Variants in DEGS2 observed in about 807,000 individuals in gnomAD.
DEGS2 encodes sphingolipid delta(4)-desaturase/C4-monooxygenase DES2.
A neutral mutation model predicts 23.8 loss-of-function variants in DEGS2; 19 were observed. The observed-to-expected ratio is 0.80, with a 90% confidence interval of 0.56 to 1.17. DEGS2 has a LOEUF of 1.17. Among genes scored for constraint, DEGS2 ranks in the 50% most tolerant of loss-of-function variants. The pLI is 0.00. For synonymous variants in DEGS2, 218 were observed against 213.7 expected (o/e 1.02, Z -0.18); for missense variants, 390 against 459.5 (o/e 0.85, Z 1.38).
At chr14:100,152,239 G>A (rs1317415068) in intron 1 of DEGS2, among the ~76,000 whole-genome samples, 1 of 151,988 alleles carries the variant, frequency 6.6e-6, no homozygotes, top group Non-Finnish European at 1.5e-5. Context: ...GGCACCAGAG[G>A]ACGGCAGGAT....
At position 100,149,542 on chromosome 14, in the gene DEGS2, A is replaced by G; in HGVS notation, c.251T>C (p.Leu84Pro). ...YAFGGCVNHS[L>P]TLAIHDISHN... Reference sequence around the variant, plus strand: ...CGAGATGTCGTGGATGGCCAGCGTCAGCGAGTGGTTCACGCAGCCACCAAA... The same window carrying G: ...CGAGATGTCGTGGATGGCCAGCGTCGGCGAGTGGTTCACGCAGCCACCAAA... The change falls in exon 2 of 3, where the codon CTG becomes CCG. Residue 84 changes from leucine to proline, a missense_variant. Coordinates refer to ENST00000305631, the MANE Select transcript of DEGS2 (RefSeq NM_206918.3). The G allele has an allele frequency of 6.2e-7, 1 of 1,605,894 alleles. No homozygotes were observed. The highest frequency in any genetic ancestry group is 1.1e-5 in the South Asian group (1 of 90,462).
rs568514624 is a variant in DEGS2, at chr14:100,149,571, G to A, written c.222C>T (p.Tyr74=). 62 of 1,608,374 alleles carry A rather than the reference G, an allele frequency of 3.9e-5. No individual in the cohort carries two copies. Among genetic ancestry groups the A allele is most frequent in the Middle Eastern group, 1.6e-4 (1 of 6,082 alleles). The change falls in exon 2 of 3, where the codon TAC becomes TAT. Residue 74 remains tyrosine (Y), a synonymous_variant. Coordinates refer to ENST00000305631, the MANE Select transcript of DEGS2 (RefSeq NM_206918.3). ...LAWRWLLFWA[Y]AFGGCVNHSL... Reference sequence around the variant, plus strand: ...AGTGGTTCACGCAGCCACCAAAGGCGTAGGCCCAGAACAGCAGCCAGCGCC... The same window carrying A: ...AGTGGTTCACGCAGCCACCAAAGGCATAGGCCCAGAACAGCAGCCAGCGCC...
At chr14:100,153,366 A>G (rs898844239) in intron 1 of DEGS2, among the ~76,000 whole-genome samples, 10 of 152,050 alleles carry the variant, frequency 6.6e-5, no homozygotes, top group African/African-American at 2.4e-4. Flanking sequence ...GAACACTAAT[A>G]CAGGGCCTCT....
At chr14:100,147,934 A>G (rs1434656225) in intron 2 of DEGS2, among the ~76,000 whole-genome samples, 1 of 151,878 alleles carries the variant, frequency 6.6e-6, no homozygotes, top group Non-Finnish European at 1.5e-5. Context: ...TGCCTTATCT[A>G]TACAACAGGG....
the DEGS2 span, among the ~76,000 whole-genome samples, chr14:100,166,300 CGGGGCTGT>C: frequency 4.3e-3 from 64 of 14,818 alleles, 5 homozygotes; most frequent in Admixed American, 8.4e-3. Context: ...GGAGCCTGCC[CGGGGCTGT>C]GGGGGAGCCT....
intron 1 of DEGS2, 129 bp from the exon 2 acceptor site, chr14:100,149,839 C>T: frequency 1.0e-6 from 1 of 976,688 alleles, no homozygotes; most frequent in Non-Finnish European, 1.5e-6. Context: ...GTCCCTTTGC[C>T]CCTGCACACA....
chr14:100,158,348 T>C (rs935406927), intron 1 of DEGS2, among the ~76,000 whole-genome samples: 1 of 149,174 alleles, frequency 6.7e-6, no homozygotes, highest in South Asian at 2.1e-4. Context: ...TGGGGAGAGG[T>C]TGCAGTGAGC....
Position 100,146,459 on chromosome 14 carries a change from C to T in DEGS2, c.*302G>A, listed in dbSNP as rs1434325153. 2 of 373,642 alleles carry T rather than the reference C, an allele frequency of 5.4e-6. No homozygotes were observed. The highest frequency in any genetic ancestry group is 9.7e-6 in the Non-Finnish European group (2 of 205,948). 23.1% of individuals were successfully genotyped at this position (373,642 alleles called of 1,614,324 possible). A position where few individuals can be genotyped will look rare whatever the true frequency, so the allele number is the denominator to read the frequency against. On this transcript the variant is annotated 3_prime_UTR_variant, in exon 3 of 3. Coordinates refer to ENST00000305631, the MANE Select transcript of DEGS2 (RefSeq NM_206918.3). ...GGGTTTAATGTAGGGCACAGGCACC[C>T]CGGAGAAGTCAGCTCCGTGGGAACC...
chr14:100,149,100 G>C lies in DEGS2; in HGVS notation c.693C>G (p.Ala231=). 1 of 1,612,984 alleles carries C rather than the reference G, an allele frequency of 6.2e-7. No homozygotes were observed. Among genetic ancestry groups the C allele is most frequent in the African/African-American group, 1.3e-5 (1 of 75,076 alleles). ...GGCCCTTGAGGAACATGTAGTGCTCGGCCACGAAGTGGCCCGAGATGGGGT... is the reference window on the plus strand; with the variant it reads ...GGCCCTTGAGGAACATGTAGTGCTCCGCCACGAAGTGGCCCGAGATGGGGT... The part of the protein sequence containing the change: ...GLHPISGHFV[A]EHYMFLKGHE... The change falls in exon 2 of 3, where the codon GCC becomes GCG. Residue 231 remains alanine, a synonymous_variant. Transcript: ENST00000305631.
In DEGS2 at chr14:100,146,925, G is replaced by C. The variant is rs1351908858; in HGVS notation, c.826-18C>G. ...TTCCGCACCTGTAGAGAGGAGGGCGGGGCTCAGGGGCTGGTTCTCCTCGGG... is the reference window on the plus strand; with the variant it reads ...TTCCGCACCTGTAGAGAGGAGGGCGCGGCTCAGGGGCTGGTTCTCCTCGGG... On this transcript the variant is annotated intron_variant, in intron 2 of 2. Transcript: ENST00000305631. The C allele has an allele frequency of 6.2e-7, 1 of 1,606,002 alleles. No individual in the cohort carries two copies. Among genetic ancestry groups the C allele is most frequent in the African/African-American group, 1.3e-5 (1 of 74,902 alleles).
In DEGS2 at chr14:100,149,218, A is replaced by G; in HGVS notation, c.575T>C (p.Val192Ala). Reference protein sequence around the residue: ...VTRMEVLNTLVQLAADLAIFA... With the variant: ...VTRMEVLNTLAQLAADLAIFA... ...GATGGCCAGGTCGGCCGCCAGCTGC[A>G]CCAGCGTGTTGAGCACCTCCATGCG... The change falls in exon 2 of 3, where the codon GTG (valine) becomes GCG (alanine). Residue 192 changes from valine to alanine, a missense_variant. Transcript: ENST00000305631. 6.2e-7 allele frequency: 1 copy of G among 1,612,626 alleles called. No homozygotes were observed. The highest frequency in any genetic ancestry group is 8.5e-7 in the Non-Finnish European group (1 of 1,179,794).
chr14:100,154,311 G>A (rs929447118), intron 1 of DEGS2, among the ~76,000 whole-genome samples: 3 of 150,006 alleles, frequency 2.0e-5, no homozygotes, highest in Non-Finnish European at 4.4e-5. Context: ...GTTGCAGTGA[G>A]CCAAAATCAC....
In DEGS2 at chr14:100,157,240, G is replaced by C. The variant is rs546708152; in HGVS notation, c.82+2266C>G. The stretch of plus-strand genomic sequence containing the variant: ...AGTGAGGCCACAGCCCAGAGTGTCT[G>C]GATCCCTCCAGGTGGCCCTGAGGTA... On this transcript the variant is annotated intron_variant, in intron 1 of 2. Transcript: ENST00000305631. 2.6e-5 allele frequency among the ~76,000 whole-genome samples: 4 copies of C among 152,376 alleles called. No homozygotes were observed. In the East Asian group the frequency reaches 7.7e-4, roughly 29 times the overall value.
chr14:100,146,866 C>G lies in DEGS2; in HGVS notation c.867G>C (p.Gln289His). ...AGAGCACCTTCACCCAGGAGTGGTG[C>G]TGCGGCAGGTGGTCGTAGTACTCGG... ...IAPEYYDHLP[Q>H]HHSWVKVLWD... is the part of the protein sequence containing the mutation. The change falls in exon 3 of 3, where the codon CAG (glutamine) becomes CAC (histidine). Residue 289 changes from glutamine to histidine, a missense_variant. Transcript: ENST00000305631. 1.2e-6 allele frequency: 2 copies of G among 1,613,680 alleles called. No homozygotes were observed. Among genetic ancestry groups the G allele is most frequent in the Non-Finnish European group, 1.7e-6 (2 of 1,179,874 alleles).
chr14:100,157,462 G>T (rs1377150681), intron 1 of DEGS2, among the ~76,000 whole-genome samples: 1 of 152,226 alleles, frequency 6.6e-6, no homozygotes, highest in Non-Finnish European at 1.5e-5. Flanking sequence ...CCTCAGACCT[G>T]CTGAGGGGCA....
the DEGS2 span, among the ~76,000 whole-genome samples, chr14:100,166,422 G>A: frequency 0.29 from 43,429 of 148,334 alleles, 6,879 homozygotes; most frequent in Admixed American, 0.37. Flanking sequence ...GAGGACCCCC[G>A]CCCCCACAGG....
At position 100,144,768 on chromosome 14, in the gene DEGS2, C is replaced by T. The variant is rs4900455; in HGVS notation, c.*1993G>A. 0.83 allele frequency: 126,762 copies of T among 152,372 alleles called. 53,594 individuals carry two copies. The highest frequency in any genetic ancestry group is 0.99 in the East Asian group (5,109 of 5,168). The allele number at this position is 152,372 out of a possible 1,614,324, so 9.4% of individuals were successfully genotyped here. On this transcript the variant is annotated 3_prime_UTR_variant, in exon 3 of 3. Coordinates refer to ENST00000305631, the MANE Select transcript of DEGS2 (RefSeq NM_206918.3). ...GGCAGGCCTTGAGATCCTGTGACCACTCATGCCCCCAGTTCTCCCACATGA... is the reference window on the plus strand; with the variant it reads ...GGCAGGCCTTGAGATCCTGTGACCATTCATGCCCCCAGTTCTCCCACATGA...
At position 100,146,889 on chromosome 14, in the gene DEGS2, C is replaced by T. The variant is rs1193034606; in HGVS notation, c.844G>A (p.Glu282Lys). Residue 282 changes from glutamate to lysine, a missense_variant, in exon 3 of 3, where the codon GAG (glutamate) becomes AAG (lysine). Transcript: ENST00000305631. The part of the protein sequence containing the change: ...NLPLVRKIAP[E>K]YYDHLPQHHS... ...TGCTGCGGCAGGTGGTCGTAGTACTCGGGCGCGATCTTCCGCACCTGTAGA... is the reference window on the plus strand; with the variant it reads ...TGCTGCGGCAGGTGGTCGTAGTACTTGGGCGCGATCTTCCGCACCTGTAGA... The T allele has an allele frequency of 2.5e-6, 4 of 1,613,050 alleles. No individual in the cohort carries two copies. Among genetic ancestry groups the T allele is most frequent in the East Asian group, 2.2e-5 (1 of 44,892 alleles).
intron 1 of DEGS2, among the ~76,000 whole-genome samples, chr14:100,154,004 T>C (rs1419307004): frequency 6.6e-6 from 1 of 152,128 alleles, no homozygotes; most frequent in Non-Finnish European, 1.5e-5. Flanking sequence ...AAGGCCCCGA[T>C]GTGGACTCAG....
Sources: gnomAD v4.1 joint callset for allele counts (sites outside exome capture counted in the v4.1 genomes callset) on GRCh38, gnomAD v4.1.1 for gene constraint, MANE v1.5 for transcripts, NCBI Gene and HGNC (gene_info 2026-07-23, HGNC 2026-07-21) for gene names.